Variants in PTPRG observed in about 807,000 individuals in gnomAD.
PTPRG encodes receptor-type tyrosine-protein phosphatase gamma.
PTPRG carries 102 observed loss-of-function variants against 165.3 expected under a neutral mutation model. That is an observed-to-expected ratio of 0.62 (90% CI 0.53 to 0.73). PTPRG has a LOEUF of 0.73. PTPRG is among the 30% of genes least tolerant of loss of function. PTPRG has a pLI of 0.00. For missense variants in PTPRG, 1,866 were observed against 1,861.4 expected (o/e 1.00, Z -0.05); for synonymous variants, 675 against 669.5 (o/e 1.01, Z -0.13).
At chr3:61,734,042 A>G (rs2032625420) in intron 1 of PTPRG, among the ~76,000 whole-genome samples, 1 of 152,202 alleles carries the variant, frequency 6.6e-6, no homozygotes, top group Non-Finnish European at 1.5e-5. Context: ...TCGGCTTTCC[A>G]AAGTACTGCG....
intron 2 of PTPRG, among the ~76,000 whole-genome samples, chr3:61,955,857 A>T (rs41102): frequency 0.91 from 138,346 of 152,012 alleles, 63,179 homozygotes; most frequent in African/African-American, 0.98. Context: ...TTATCTGAAA[A>T]GAAATAAAAA....
At chr3:61,663,776 C>T (rs373927132) in intron 1 of PTPRG, among the ~76,000 whole-genome samples, 18 of 152,164 alleles carry the variant, frequency 1.2e-4, no homozygotes, top group Non-Finnish European at 2.1e-4. Context: ...TCATAAGGAG[C>T]GGGCAACCTA....
chr3:62,115,619 T>A (rs1178002241), intron 5 of PTPRG, among the ~76,000 whole-genome samples: 2 of 152,078 alleles, frequency 1.3e-5, no homozygotes, highest in Non-Finnish European at 2.9e-5. Context: ...AGGCACCATA[T>A]AGATTGATCC....
intron 1 of PTPRG, among the ~76,000 whole-genome samples, chr3:61,585,637 C>T (rs1700418138): frequency 6.6e-6 from 1 of 151,974 alleles, no homozygotes; most frequent in Admixed American, 6.6e-5. Context: ...GTCCCAGCTA[C>T]TTGGGAGGCT....
At chr3:61,753,741 G>A (rs1312202823) in intron 2 of PTPRG, 2 of 365,890 alleles carry the variant, frequency 5.5e-6, no homozygotes, top group Admixed American at 3.8e-5. Flanking sequence ...TTATAGGTGT[G>A]CACAATCACA....
chr3:62,287,915 A>G (rs923140892), intron 28 of PTPRG, among the ~76,000 whole-genome samples: 1 of 152,294 alleles, frequency 6.6e-6, no homozygotes, highest in Non-Finnish European at 1.5e-5. Flanking sequence ...ACAAGGCTAC[A>G]TTCATTGATT....
intron 2 of PTPRG, among the ~76,000 whole-genome samples, chr3:61,759,672 A>G (rs909915708): frequency 2.0e-5 from 3 of 152,020 alleles, no homozygotes; most frequent in African/African-American, 7.2e-5. Flanking sequence ...TAATAATAAG[A>G]ATACTAACAA....
chr3:61,612,387 G>C (rs1701195528), intron 1 of PTPRG, among the ~76,000 whole-genome samples: 1 of 152,208 alleles, frequency 6.6e-6, no homozygotes, highest in Admixed American at 6.5e-5. Flanking sequence ...ATCCAGTTGA[G>C]CAACTGTTCT....
chr3:62,255,300 C>A lies in PTPRG; in HGVS notation c.2559+85C>A. Reference sequence around the variant, plus strand: ...TTGTAAACTTGAACTGAATTCATTCCAAGCATAACAAAACAGTAACTACGG... The same window carrying A: ...TTGTAAACTTGAACTGAATTCATTCAAAGCATAACAAAACAGTAACTACGG... On this transcript the variant is annotated intron_variant, in intron 16 of 29. Transcript: ENST00000474889. This position sits in a 1 kb window ranked among gnomAD's most constrained non-coding sequence, Gnocchi z 4.0. 2.0e-6 allele frequency: 2 copies of A among 1,006,502 alleles called. No individual in the cohort carries two copies. Among genetic ancestry groups the A allele is most frequent in the Non-Finnish European group, 3.0e-6 (2 of 664,634 alleles). 62.3% of individuals were successfully genotyped at this position (1,006,502 alleles called of 1,614,324 possible).
intron 1 of PTPRG, among the ~76,000 whole-genome samples, chr3:61,697,051 AC>A (rs2030645123): frequency 6.6e-6 from 1 of 152,148 alleles, no homozygotes; most frequent in Non-Finnish European, 1.5e-5. Flanking sequence ...ATTTGAGAAA[AC>A]AGCAGAAGCA....
intron 4 of PTPRG, among the ~76,000 whole-genome samples, chr3:62,042,725 G>C (rs559309353): frequency 6.6e-6 from 1 of 152,288 alleles, no homozygotes; most frequent in Non-Finnish European, 1.5e-5. Context: ...TGTGCTGTAA[G>C]TGCTTGCTTT....
At chr3:62,076,954 C>T (rs918943235) in intron 4 of PTPRG, among the ~76,000 whole-genome samples, 1 of 152,272 alleles carries the variant, frequency 6.6e-6, no homozygotes, top group Admixed American at 6.5e-5. Context: ...GTTGACTTAC[C>T]TGTGTTCTGC....
At chr3:61,758,221 GCC>G (rs71636808) in intron 2 of PTPRG, among the ~76,000 whole-genome samples, 62,666 of 151,796 alleles carry the variant, frequency 0.41, 13,162 homozygotes, top group Non-Finnish European at 0.44. Flanking sequence ...CTGGGCTCAA[GCC>G]CAGTATTCCC....
intron 2 of PTPRG, among the ~76,000 whole-genome samples, chr3:61,840,687 TGGG>T (rs1213521790): frequency 1.3e-5 from 2 of 151,846 alleles, no homozygotes; most frequent in Admixed American, 6.6e-5. Context: ...GAGTTTATAT[TGGG>T]GGAGGGACAG....
At chr3:62,267,329 T>C (rs568368403) in intron 17 of PTPRG, 81 bp from the exon 18 acceptor site, 71 of 1,052,492 alleles carry the variant, frequency 6.7e-5, no homozygotes, top group East Asian at 1.2e-4. Context: ...TGTTACCTGA[T>C]TGCCTTGTGT....
intron 2 of PTPRG, among the ~76,000 whole-genome samples, chr3:61,843,043 C>G (rs1307017958): frequency 6.6e-6 from 1 of 152,196 alleles, no homozygotes; most frequent in Non-Finnish European, 1.5e-5. Flanking sequence ...CTCTGTTGCT[C>G]TAGCCTGATT....
intron 1 of PTPRG, among the ~76,000 whole-genome samples, chr3:61,616,913 GA>G (rs1701313933): frequency 6.6e-6 from 1 of 152,194 alleles, no homozygotes; most frequent in African/African-American, 2.4e-5. Flanking sequence ...GTTGGTAGTT[GA>G]CTTTCCACCA....
intron 2 of PTPRG, among the ~76,000 whole-genome samples, chr3:61,976,695 G>A (rs537528523): frequency 4.6e-5 from 7 of 151,938 alleles, no homozygotes; most frequent in African/African-American, 1.7e-4. Context: ...TTTTTTTTGA[G>A]AGGGAGTCTC....
At chr3:61,829,515 G>A (rs561477035) in intron 2 of PTPRG, among the ~76,000 whole-genome samples, 3 of 152,326 alleles carry the variant, frequency 2.0e-5, no homozygotes, top group Admixed American at 1.3e-4. Context: ...GATCAGGCCC[G>A]AAGAAAGCCT....
Sources: allele counts gnomAD v4.1 joint callset (sites outside exome capture counted in the v4.1 genomes callset), GRCh38; gene constraint gnomAD v4.1.1; non-coding constraint Gnocchi (gnomAD v3.1); transcripts MANE v1.5; gene names NCBI Gene and HGNC (gene_info 2026-07-23, HGNC 2026-07-21).